ABCC1: variants seen among roughly 807,000 people sequenced by gnomAD.
ABCC1 encodes multidrug resistance-associated protein 1.
A neutral mutation model predicts 172.9 loss-of-function variants in ABCC1; 83 were observed. The observed-to-expected ratio is 0.48, with a 90% CI of 0.40 to 0.58. The LOEUF is 0.58. Among genes scored for constraint, ABCC1 ranks in the 20% least tolerant of loss-of-function variants. The pLI is 0.00. For synonymous variants in ABCC1, 937 were observed against 825.2 expected, an observed-to-expected ratio of 1.14 and a Z score of -2.32; for missense variants, 1,817 against 2,002.7, an observed-to-expected ratio of 0.91 and a Z score of 1.77.
intron 21 of ABCC1, among the ~76,000 whole-genome samples, chr16:16,108,156 A>G (rs2052219089): frequency 6.6e-6 from 1 of 152,062 alleles, no homozygotes; most frequent in African/African-American, 2.4e-5. Flanking sequence ...AGGCCCATTT[A>G]ATCCTCATTT....
chr16:16,033,337 A>G (rs1016981455), intron 6 of ABCC1, among the ~76,000 whole-genome samples, 167 bp downstream of exon 6: 2 of 151,666 alleles, frequency 1.3e-5, no homozygotes, highest in Admixed American at 6.6e-5. Context: ...AGAGACACCA[A>G]CTCTGTCCGG....
At chr16:16,043,229 T>TTTG (rs1467962903) in intron 7 of ABCC1, among the ~76,000 whole-genome samples, 1 of 112,064 alleles carries the variant, frequency 8.9e-6, no homozygotes, top group African/African-American at 2.8e-5. Context: ...ACTGTTTTTT[T>TTTG]TTTTTTTTTT....
At chr16:16,113,423 A>G (rs1043586734) in intron 22 of ABCC1, among the ~76,000 whole-genome samples, 7 of 152,198 alleles carry the variant, frequency 4.6e-5, no homozygotes, top group Admixed American at 3.3e-4. Flanking sequence ...TGAGAGGCCA[A>G]GGCGGGTGGA....
intron 26 of ABCC1, among the ~76,000 whole-genome samples, chr16:16,130,528 T>G (rs1301868874): frequency 6.6e-6 from 1 of 150,942 alleles, no homozygotes; most frequent in Admixed American, 6.6e-5. Context: ...CTTTTTAAAC[T>G]CTCTGTATTG....
At chr16:16,116,713 C>CCACAG (rs1452046948) in intron 23 of ABCC1, among the ~76,000 whole-genome samples, 2 of 152,064 alleles carry the variant, frequency 1.3e-5, no homozygotes, top group Non-Finnish European at 2.9e-5. Context: ...CAGGCATGCG[C>CCACAG]CACACCCAGC....
intron 1 of ABCC1, among the ~76,000 whole-genome samples, chr16:15,999,354 G>A (rs2047166597): frequency 6.6e-6 from 1 of 151,508 alleles, no homozygotes; most frequent in Non-Finnish European, 1.5e-5. Flanking sequence ...GATGGCTCAC[G>A]CCTGTAGTCC....
At chr16:16,141,105 A>G (rs1214828901) in intron 30 of ABCC1, 68 bp from the exon 31 acceptor site, 1 of 1,409,606 alleles carries the variant, frequency 7.1e-7, no homozygotes, top group Non-Finnish European at 1.0e-6. Context: ...TGCCCAGGTC[A>G]GTTGTCCCAG....
chr16:16,052,873 T>G (rs2049491879), intron 11 of ABCC1, 57 bp downstream of exon 11: 1 of 1,553,128 alleles, frequency 6.4e-7, no homozygotes, highest in Non-Finnish European at 8.9e-7. Context: ...GGCCTCTCCA[T>G]GAGGATTTTA....
chr16:16,048,349 T>G, intron 10 of ABCC1, 46 bp downstream of exon 10: 1 of 1,607,132 alleles, frequency 6.2e-7, no homozygotes. Flanking sequence ...GAGGGACTTC[T>G]ACGTGTGGGC....
intron 12 of ABCC1, among the ~76,000 whole-genome samples, chr16:16,057,180 T>TAA (rs34088403): frequency 1.3e-4 from 13 of 96,920 alleles, no homozygotes; most frequent in African/African-American, 4.7e-4. Flanking sequence ...TGTTACTGCT[T>TAA]AAAAAAAAAA....
At chr16:15,964,726 C>T (rs1355391407) in intron 1 of ABCC1, among the ~76,000 whole-genome samples, 2 of 151,480 alleles carry the variant, frequency 1.3e-5, no homozygotes, top group African/African-American at 2.4e-5. Context: ...CTATGTTACC[C>T]AGGCTGGTTT....
intron 21 of ABCC1, among the ~76,000 whole-genome samples, chr16:16,110,881 G>C (rs1309854981): frequency 1.3e-5 from 2 of 152,068 alleles, no homozygotes; most frequent in Non-Finnish European, 2.9e-5. Flanking sequence ...GAAGCTCCAT[G>C]CATGAGGGCA....
Position 16,115,076 on chromosome 16 carries a change from G to A in ABCC1, c.3390G>A (p.Gln1130=), listed in dbSNP as rs761069845. 1 of 1,613,194 alleles carries A rather than the reference G, an allele frequency of 6.2e-7. No homozygotes were observed. The highest frequency in any genetic ancestry group is 1.1e-5 in the South Asian group (1 of 91,050). Residue 1130 remains glutamine, a splice_region_variant and synonymous_variant, in exon 23 of 31, where the codon CAG becomes CAA. Transcript: ENST00000399410. ...TTGGCCTCATCTACTTCTTCGTCCA[G>A]GTAAGGGGTGAGGTCTTAGTGTTCG... ...PPLGLIYFFV[Q]RFYVASSRQL...
At chr16:16,071,961 T>C (rs982000817) in intron 14 of ABCC1, among the ~76,000 whole-genome samples, 13 of 152,164 alleles carry the variant, frequency 8.5e-5, no homozygotes, top group Admixed American at 6.5e-4. Flanking sequence ...GAACTTGCAC[T>C]TGCATTTTTG....
At chr16:16,125,433 A>C (rs940908397) in intron 25 of ABCC1, among the ~76,000 whole-genome samples, 2 of 151,614 alleles carry the variant, frequency 1.3e-5, no homozygotes, top group African/African-American at 4.9e-5. Context: ...ATTTTTATTT[A>C]TTTATTTTTT....
chr16:16,046,400 A>G (rs1001001411), intron 9 of ABCC1, among the ~76,000 whole-genome samples: 2 of 151,646 alleles, frequency 1.3e-5, no homozygotes, highest in Non-Finnish European at 2.9e-5. Context: ...ACTGGAGTGC[A>G]GTGGCATGAT....
intron 20 of ABCC1, among the ~76,000 whole-genome samples, chr16:16,103,103 A>C (rs1480457152): frequency 6.6e-6 from 1 of 152,022 alleles, no homozygotes; most frequent in African/African-American, 2.4e-5. Flanking sequence ...TAATCTCAGC[A>C]CTTTGGGAGG....
intron 19 of ABCC1, among the ~76,000 whole-genome samples, chr16:16,096,100 C>A (rs1048110766): frequency 1.3e-5 from 2 of 151,998 alleles, no homozygotes; most frequent in Non-Finnish European, 2.9e-5. Context: ...AACCCCATCT[C>A]TACTAAAAAT....
chr16:15,969,668 C>A (rs1364902158), intron 1 of ABCC1, among the ~76,000 whole-genome samples: 3 of 152,082 alleles, frequency 2.0e-5, no homozygotes, highest in Non-Finnish European at 2.9e-5. Context: ...CCACTGCTCC[C>A]AGCCCATAGT....
Sources: gnomAD v4.1 joint callset for allele counts (sites outside exome capture counted in the v4.1 genomes callset) on GRCh38, gnomAD v4.1.1 for gene constraint, MANE v1.5 for transcripts, NCBI Gene and HGNC (gene_info 2026-07-23, HGNC 2026-07-21) for gene names.